UNC5D: variants seen among roughly 807,000 people sequenced by gnomAD.
UNC5D encodes netrin receptor UNC5D.
A neutral mutation model predicts 105.4 loss-of-function variants in UNC5D; 39 were observed. That is an observed-to-expected ratio of 0.37 (90% CI 0.29 to 0.48). The LOEUF is 0.48. Among genes scored for constraint, UNC5D ranks in the 20% least tolerant of loss-of-function variants. UNC5D has a pLI of 0.98. For missense variants in UNC5D, 991 were observed against 1,202.4 expected, an observed-to-expected ratio of 0.82 and a Z score of 2.60; for synonymous variants, 452 against 450.4, an observed-to-expected ratio of 1.00 and a Z score of -0.04.
intron 1 of UNC5D, among the ~76,000 whole-genome samples, chr8:35,433,501 CA>C (rs1294262704): frequency 2.0e-5 from 3 of 151,582 alleles, no homozygotes; most frequent in South Asian, 2.1e-4. Flanking sequence ...ACTCCCCCTT[CA>C]AAAAAAATAA....
At chr8:35,697,162 A>C (rs1292580436) in intron 7 of UNC5D, among the ~76,000 whole-genome samples, 2 of 151,724 alleles carry the variant, frequency 1.3e-5, no homozygotes, top group Non-Finnish European at 2.9e-5. Context: ...CACACACACA[A>C]CATAAGCACA....
intron 1 of UNC5D, among the ~76,000 whole-genome samples, chr8:35,354,745 A>G (rs953590442): frequency 6.6e-6 from 1 of 152,092 alleles, no homozygotes; most frequent in East Asian, 1.9e-4. Flanking sequence ...TAACTATTTT[A>G]TGTAGGTCAG....
chr8:35,358,775 T>C (rs1801697619), intron 1 of UNC5D, among the ~76,000 whole-genome samples: 1 of 152,332 alleles, frequency 6.6e-6, no homozygotes, highest in South Asian at 2.1e-4. Context: ...CTTGTATTTC[T>C]GAGATACACA....
intron 8 of UNC5D, among the ~76,000 whole-genome samples, chr8:35,707,397 C>T (rs1202781130): frequency 6.6e-6 from 1 of 152,092 alleles, no homozygotes. Context: ...AAGTATTGGT[C>T]CTCTGACATC....
intron 4 of UNC5D, among the ~76,000 whole-genome samples, chr8:35,596,046 A>G (rs1393364664): frequency 6.6e-6 from 1 of 152,222 alleles, no homozygotes; most frequent in African/African-American, 2.4e-5. Context: ...AGGAAAGGTC[A>G]GAAGACCCAG....
At chr8:35,336,491 T>C (rs1028051496) in intron 1 of UNC5D, among the ~76,000 whole-genome samples, 1 of 152,132 alleles carries the variant, frequency 6.6e-6, no homozygotes. Flanking sequence ...AAAAGTGCGT[T>C]TGTGCTTTGT....
chr8:35,646,339 C>T (rs1476010091), intron 4 of UNC5D, among the ~76,000 whole-genome samples: 3 of 151,978 alleles, frequency 2.0e-5, no homozygotes, highest in African/African-American at 4.8e-5. Context: ...TCAAGAAAGA[C>T]GTTTATGGAG....
intron 16 of UNC5D, among the ~76,000 whole-genome samples, chr8:35,785,553 G>A (rs1435111087): frequency 7.2e-5 from 11 of 152,034 alleles, no homozygotes; most frequent in Admixed American, 7.2e-4. Context: ...AGAGATGGGG[G>A]TTTCACCATG....
At chr8:35,403,138 C>A (rs1475898336) in intron 1 of UNC5D, among the ~76,000 whole-genome samples, 1 of 152,196 alleles carries the variant, frequency 6.6e-6, no homozygotes, top group Non-Finnish European at 1.5e-5. Context: ...TCACATTATA[C>A]CATGTAAATC....
chr8:35,544,696 G>T (rs759466628), intron 1 of UNC5D, among the ~76,000 whole-genome samples: 2 of 146,528 alleles, frequency 1.4e-5, no homozygotes, highest in Non-Finnish European at 3.0e-5. Flanking sequence ...TCTGCCTTCC[G>T]GGTACAAGTG....
intron 4 of UNC5D, among the ~76,000 whole-genome samples, chr8:35,601,162 T>G (rs1185344073): frequency 3.3e-5 from 5 of 152,288 alleles, no homozygotes; most frequent in Middle Eastern, 3.4e-3. Context: ...GTTCTATATC[T>G]CGGTTTTGGT....
intron 16 of UNC5D, among the ~76,000 whole-genome samples, chr8:35,778,334 CCTTT>C (rs1166207155): frequency 6.6e-6 from 1 of 152,066 alleles, no homozygotes; most frequent in Admixed American, 6.6e-5. Flanking sequence ...TGTCAAGTTC[CCTTT>C]CTGTTTTTAG....
intron 2 of UNC5D, among the ~76,000 whole-genome samples, chr8:35,554,032 A>C (rs1816356257): frequency 6.6e-6 from 1 of 152,168 alleles, no homozygotes; most frequent in African/African-American, 2.4e-5. Flanking sequence ...AATTCTAGAG[A>C]AATTTGATAA....
intron 4 of UNC5D, among the ~76,000 whole-genome samples, chr8:35,614,285 A>T (rs2918973): frequency 0.097 from 14,738 of 152,180 alleles, 739 homozygotes; most frequent in African/African-American, 0.11. Context: ...GAATCACTAG[A>T]CTATTGTGTT....
chr8:35,724,198 A>C, intron 9 of UNC5D: 1 of 1,503,226 alleles, frequency 6.7e-7, no homozygotes, highest in Non-Finnish European at 8.8e-7. Flanking sequence ...TCTCTAAGAC[A>C]ATATTAGTCT....
At chr8:35,444,420 T>C (rs1463873777) in intron 1 of UNC5D, among the ~76,000 whole-genome samples, 2 of 152,088 alleles carry the variant, frequency 1.3e-5, no homozygotes, top group Non-Finnish European at 2.9e-5. Flanking sequence ...TTTCAGCCTT[T>C]ATGGAAGGGC....
intron 1 of UNC5D, among the ~76,000 whole-genome samples, chr8:35,280,007 T>C (rs1400194355): frequency 1.3e-5 from 2 of 152,152 alleles, no homozygotes; most frequent in African/African-American, 4.8e-5. Context: ...CTTTCTTTCT[T>C]TTTTTTGAGA....
chr8:35,376,660 G>A (rs1161202880), intron 1 of UNC5D, among the ~76,000 whole-genome samples: 1 of 152,156 alleles, frequency 6.6e-6, no homozygotes, highest in Admixed American at 6.5e-5. Flanking sequence ...CTCCTTGGAT[G>A]TCACTCCCCA....
intron 4 of UNC5D, 142 bp downstream of exon 4, chr8:35,595,799 G>T: frequency 1.5e-6 from 1 of 673,562 alleles, no homozygotes; most frequent in South Asian, 1.9e-5. Context: ...GCTAAACACG[G>T]TGAAGAAATT....
Sources: gnomAD v4.1 joint callset for allele counts (sites outside exome capture counted in the v4.1 genomes callset) on GRCh38, gnomAD v4.1.1 for gene constraint, MANE v1.5 for transcripts, NCBI Gene and HGNC (gene_info 2026-07-23, HGNC 2026-07-21) for gene names.